The following ANAPC1 variants were observed in gnomAD, a reference collection of about 807,000 sequenced individuals.
ANAPC1 encodes the protein anaphase promoting complex subunit 1, also known as anaphase-promoting complex subunit 1.
In ANAPC1, 36 loss-of-function variants were observed where a neutral mutation model predicts 208.0. That is an observed-to-expected ratio of 0.17 (90% CI 0.13 to 0.23). ANAPC1 has a LOEUF of 0.23. Among genes scored for constraint, ANAPC1 ranks in the 10% least tolerant of loss-of-function variants. The pLI is 1.00. For missense variants in ANAPC1, 942 were observed against 2,011.6 expected (o/e 0.47, Z 10.17); for synonymous variants, 378 against 695.2 (o/e 0.54, Z 7.18).
chr2:111,855,242 C>T (rs1441178623), intron 13 of ANAPC1, among the ~76,000 whole-genome samples: 1 of 152,090 alleles, frequency 6.6e-6, no homozygotes, highest in African/African-American at 2.4e-5. Context: ...GTTCGTGGTG[C>T]CCCAAAAGAA....
rs1346278807 is a variant in ANAPC1, at chr2:111,832,828, G to T, written c.2476+392C>A. 2.0e-5 allele frequency among the ~76,000 whole-genome samples: 3 copies of T among 151,126 alleles called. No individual in the cohort carries two copies. The South Asian group carries it at 6.3e-4, about 32-fold the overall frequency. On this transcript the variant is annotated intron_variant, in intron 20 of 47. Coordinates refer to ENST00000341068, the MANE Select transcript of ANAPC1 (RefSeq NM_022662.4). ...ACCTGTAGTCCCAGCTATTCAGGAG[G>T]CCAGGAGGCTGAGGCAGGAGAATGG...
At chr2:111,836,188 C>T (rs1351709993) in intron 18 of ANAPC1, among the ~76,000 whole-genome samples, 1 of 151,840 alleles carries the variant, frequency 6.6e-6, no homozygotes, top group African/African-American at 2.4e-5. Context: ...ACTGGTCTTA[C>T]TATAATATGT....
At chr2:111,773,176 A>G (rs1429922110) in intron 46 of ANAPC1, among the ~76,000 whole-genome samples, 4 of 152,224 alleles carry the variant, frequency 2.6e-5, no homozygotes, top group African/African-American at 9.6e-5. Flanking sequence ...GGTGTGCATG[A>G]GATGCAACTC....
intron 13 of ANAPC1, among the ~76,000 whole-genome samples, chr2:111,855,576 T>G (rs756949014): frequency 6.6e-6 from 1 of 152,160 alleles, no homozygotes; most frequent in Non-Finnish European, 1.5e-5. Flanking sequence ...AAAACAAATA[T>G]AATGTTGAGC....
At chr2:111,876,498 T>C (rs1423007193) in intron 3 of ANAPC1, among the ~76,000 whole-genome samples, 2 of 152,318 alleles carry the variant, frequency 1.3e-5, no homozygotes, top group East Asian at 1.9e-4. Context: ...TGCACTTCCA[T>C]AGAATCTAGT....
At chr2:111,868,587 G>A (rs1444341872) in intron 6 of ANAPC1, among the ~76,000 whole-genome samples, 1 of 152,158 alleles carries the variant, frequency 6.6e-6, no homozygotes, top group African/African-American at 2.4e-5. Context: ...CTAGAGTGCA[G>A]GGGCATCATC....
At chr2:111,831,616 G>T (rs1402580901) in intron 20 of ANAPC1, among the ~76,000 whole-genome samples, 182 bp from the exon 21 acceptor site, 3 of 151,934 alleles carry the variant, frequency 2.0e-5, no homozygotes, top group Admixed American at 1.3e-4. Context: ...CAAGCAGGTG[G>T]ATCACGAGGT....
chr2:111,789,548 A>T (rs2104519413), intron 38 of ANAPC1, among the ~76,000 whole-genome samples: 1 of 146,434 alleles, frequency 6.8e-6, no homozygotes, highest in South Asian at 2.3e-4. Context: ...TATTTAATGG[A>T]TTAGAAAGAA....
chr2:111,798,835 C>A (rs1678291607), intron 34 of ANAPC1, among the ~76,000 whole-genome samples: 3 of 152,194 alleles, frequency 2.0e-5, no homozygotes, highest in African/African-American at 7.2e-5. Context: ...GAGATCGAGA[C>A]CATCTTGGCT....
intron 8 of ANAPC1, 71 bp downstream of exon 8, chr2:111,864,735 T>C (rs978952907): frequency 6.2e-7 from 1 of 1,600,844 alleles, no homozygotes. Flanking sequence ...AATGCTAGGA[T>C]TACAGGTGTG....
intron 6 of ANAPC1, among the ~76,000 whole-genome samples, chr2:111,871,479 G>C (rs781040604): frequency 3.9e-5 from 6 of 152,208 alleles, no homozygotes; most frequent in Non-Finnish European, 7.4e-5. Context: ...GGCCAGGTGC[G>C]GTGGCTCATG....
At chr2:111,790,871 C>T (rs1287709504) in intron 38 of ANAPC1, among the ~76,000 whole-genome samples, 1 of 152,162 alleles carries the variant, frequency 6.6e-6, no homozygotes, top group Non-Finnish European at 1.5e-5. Context: ...GAGCAGTCAA[C>T]CTCATCAAAA....
chr2:111,853,880 C>G (rs925710681), intron 13 of ANAPC1, among the ~76,000 whole-genome samples: 6 of 152,170 alleles, frequency 3.9e-5, no homozygotes, highest in African/African-American at 2.4e-5. Flanking sequence ...CCACGCCCGG[C>G]TAATTTTTTG....
Position 111,880,678 on chromosome 2 carries a change from A to T in ANAPC1, c.148T>A (p.Ser50Thr), listed in dbSNP as rs756463150. The T allele has an allele frequency of 1.9e-6, 3 of 1,613,618 alleles. No individual in the cohort carries two copies. The South Asian group carries it at 3.3e-5, about 18-fold the overall frequency. ...RQLQPASELWSSDGAAGLVGS... is the reference protein window; with the variant it reads ...RQLQPASELWTSDGAAGLVGS... ...ACCAAGCCAGCAGCACCATCAGAAG[A>T]CCATAATTCAGAAGCTGGCTGCAGC... The change falls in exon 2 of 48, where the codon TCT becomes ACT. Residue 50 changes from serine to threonine, a missense_variant. Coordinates refer to ENST00000341068, the MANE Select transcript of ANAPC1 (RefSeq NM_022662.4).
At chr2:111,835,952 G>T (rs901519869) in intron 18 of ANAPC1, among the ~76,000 whole-genome samples, 1 of 143,588 alleles carries the variant, frequency 7.0e-6, no homozygotes, top group Non-Finnish European at 1.5e-5. Flanking sequence ...ATATGGTCAA[G>T]AACTCATGTC....
At chr2:111,861,409 G>A (rs187782590) in intron 10 of ANAPC1, among the ~76,000 whole-genome samples, 1 of 152,208 alleles carries the variant, frequency 6.6e-6, no homozygotes, top group Admixed American at 6.5e-5. Flanking sequence ...CCTCCCCTCT[G>A]CAAAAACCAG....
intron 2 of ANAPC1, among the ~76,000 whole-genome samples, chr2:111,879,311 T>C (rs1449947124): frequency 6.6e-6 from 1 of 152,158 alleles, no homozygotes; most frequent in Non-Finnish European, 1.5e-5. Flanking sequence ...TGAGGTAGGG[T>C]AGGGAAAGGA....
intron 21 of ANAPC1, among the ~76,000 whole-genome samples, 197 bp downstream of exon 21, chr2:111,831,089 A>G (rs906199837): frequency 3.9e-5 from 6 of 152,380 alleles, no homozygotes; most frequent in African/African-American, 1.4e-4. Context: ...AACAACTTGG[A>G]TAAGTCTCGA....
In ANAPC1 at chr2:111,872,488, G is replaced by A. The variant is rs535147830; in HGVS notation, c.611+142C>T. 17 of 648,942 alleles carry A rather than the reference G, an allele frequency of 2.6e-5. No individual in the cohort carries two copies. In the African/African-American group the frequency reaches 2.8e-4, roughly 11 times the overall value. The allele number at this position is 648,942 out of a possible 1,614,324, so 40.2% of individuals were successfully genotyped here. A position where few individuals can be genotyped will look rare whatever the true frequency, so the allele number is the denominator to read the frequency against. On this transcript the variant is annotated intron_variant, in intron 6 of 47. Transcript: ENST00000341068. Reference sequence around the variant, plus strand: ...TTTTTGGATCAGGGATACTCAACTTGTACTGAGATGAGAGAAAATGGCATA... The same window carrying A: ...TTTTTGGATCAGGGATACTCAACTTATACTGAGATGAGAGAAAATGGCATA...
Sources: gnomAD v4.1 joint callset for allele counts (sites outside exome capture counted in the v4.1 genomes callset) on GRCh38, gnomAD v4.1.1 for gene constraint, MANE v1.5 for transcripts, NCBI Gene and HGNC (gene_info 2026-07-23, HGNC 2026-07-21) for gene names.